PPM1A: variants seen among roughly 807,000 people sequenced by gnomAD.
PPM1A encodes the protein protein phosphatase 1A.
In PPM1A, 7 loss-of-function variants were observed where a neutral mutation model predicts 35.0. The observed-to-expected ratio is 0.20, with a 90% CI of 0.11 to 0.38. PPM1A has a LOEUF of 0.38. Among genes scored for constraint, PPM1A ranks in the 10% least tolerant of loss-of-function variants. The pLI is 1.00. For synonymous variants in PPM1A, 153 were observed against 167.3 expected (o/e 0.91, Z 0.66); for missense variants, 239 against 467.8 (o/e 0.51, Z 4.51).
intron 4 of PPM1A, among the ~76,000 whole-genome samples, 155 bp downstream of exon 4, chr14:60,290,069 A>G (rs577015089): frequency 2.9e-4 from 44 of 152,268 alleles, no homozygotes; most frequent in Non-Finnish European, 3.7e-4. Context: ...TAGAATATCT[A>G]GAGTTTGTTT....
chr14:60,290,579 T>G (rs967555040), intron 4 of PPM1A, among the ~76,000 whole-genome samples: 2 of 152,180 alleles, frequency 1.3e-5, no homozygotes, highest in African/African-American at 2.4e-5. Flanking sequence ...AACATAAAAC[T>G]TGCAAATACC....
chr14:60,268,690 A>T (rs1232568122), intron 1 of PPM1A, among the ~76,000 whole-genome samples: 1 of 151,296 alleles, frequency 6.6e-6, no homozygotes, highest in Non-Finnish European at 1.5e-5. Context: ...TTTTCAACAC[A>T]CTATTGCTGG....
In PPM1A at chr14:60,296,064, T is replaced by A. The variant is rs1888043411; in HGVS notation, c.*3582T>A. 6.6e-6 allele frequency: 1 copy of A among 151,694 alleles called. No individual in the cohort carries two copies. The highest frequency in any genetic ancestry group is 2.4e-5 in the African/African-American group (1 of 41,406). 9.4% of individuals were successfully genotyped at this position (151,694 alleles called of 1,614,324 possible). ...ATAGGTAGTAGATTTCTGAAAATTA[T>A]CCAGCCATGGAAATGTAGGTGGGGT... On this transcript the variant is annotated 3_prime_UTR_variant, in exon 6 of 6. Coordinates refer to ENST00000395076, the MANE Select transcript of PPM1A (RefSeq NM_021003.5). The surrounding 1 kb of genome is among the most constrained non-coding windows in gnomAD (Gnocchi z 4.4).
Position 60,295,474 on chromosome 14 carries a change from AC to A in PPM1A, c.*2993del, listed in dbSNP as rs1887988250. The stretch of plus-strand genomic sequence containing the variant: ...CTGCTCTAGCCACTTAATTTTTTAT[AC>A]TAATCTCAACATTAAGAAATTTGGA... On this transcript the variant is annotated 3_prime_UTR_variant, in exon 6 of 6. Coordinates refer to ENST00000395076, the MANE Select transcript of PPM1A (RefSeq NM_021003.5). 6.6e-6 allele frequency: 1 copy of A among 151,772 alleles called. No homozygotes were observed. Among genetic ancestry groups the A allele is most frequent in the African/African-American group, 2.4e-5 (1 of 41,402 alleles). 9.4% of individuals were successfully genotyped at this position (151,772 alleles called of 1,614,324 possible). A position where few individuals can be genotyped will look rare whatever the true frequency, so the allele number is the denominator to read the frequency against.
Position 60,289,243 on chromosome 14 carries a change from A to C in PPM1A, c.953-563A>C, listed in dbSNP as rs1887363401. On this transcript the variant is annotated intron_variant, in intron 3 of 5. Coordinates refer to ENST00000395076, the MANE Select transcript of PPM1A (RefSeq NM_021003.5). This position sits in a 1 kb window ranked among gnomAD's most constrained non-coding sequence, Gnocchi z 4.1. ...ATTGTTTAAAGGTACTTTAGAGAAGAATTAAACTGAGACAGTGATGTTCAA... is the reference window on the plus strand; with the variant it reads ...ATTGTTTAAAGGTACTTTAGAGAAGCATTAAACTGAGACAGTGATGTTCAA... Among the ~76,000 whole-genome samples the C allele has an allele frequency of 6.6e-6, 1 of 152,126 alleles. No individual in the cohort carries two copies.
intron 4 of PPM1A, among the ~76,000 whole-genome samples, chr14:60,291,052 G>C (rs1033030700): frequency 6.6e-6 from 1 of 152,070 alleles, no homozygotes; most frequent in Non-Finnish European, 1.5e-5. Context: ...GCTTATGTTA[G>C]TATTATATCT....
intron 1 of PPM1A, among the ~76,000 whole-genome samples, chr14:60,270,491 A>G (rs1248439792): frequency 6.6e-6 from 1 of 152,042 alleles, no homozygotes. Context: ...AAAGGGTGGC[A>G]GTTTTCTCTG....
rs1373394557 is a variant in PPM1A, at chr14:60,293,738, TC to T, written c.*1258del. The T allele has an allele frequency of 2.0e-5, 3 of 151,764 alleles. No homozygotes were observed. The highest frequency in any genetic ancestry group is 1.3e-4 in the Admixed American group (2 of 15,194). 9.4% of individuals were successfully genotyped at this position (151,764 alleles called of 1,614,324 possible). On this transcript the variant is annotated 3_prime_UTR_variant, in exon 6 of 6. Coordinates refer to ENST00000395076, the MANE Select transcript of PPM1A (RefSeq NM_021003.5). This position sits in a 1 kb window ranked among gnomAD's most constrained non-coding sequence, Gnocchi z 4.0. ...TTTTAATTGGCCCATGTCTTTAGAA[TC>T]CAAGTGGTTAAGATGTATTTGTGAT...
At chr14:60,278,339 CT>C (rs36059694) in intron 1 of PPM1A, among the ~76,000 whole-genome samples, 19,919 of 138,876 alleles carry the variant, frequency 0.14, 2,927 homozygotes, top group African/African-American at 0.39. Context: ...CTCCCAGTTT[CT>C]TTTTTTTTTT....
chr14:60,254,657 G>T (rs1265769083), intron 1 of PPM1A, among the ~76,000 whole-genome samples: 3 of 152,258 alleles, frequency 2.0e-5, no homozygotes, highest in Admixed American at 6.5e-5. Flanking sequence ...CTGAAAAATT[G>T]TCTTGGAATA....
At chr14:60,256,020 A>T (rs1343040254) in intron 1 of PPM1A, among the ~76,000 whole-genome samples, 11 of 152,250 alleles carry the variant, frequency 7.2e-5, no homozygotes, top group Admixed American at 5.2e-4. Context: ...CTATCAGCTG[A>T]TTTAATTTGA....
chr14:60,260,662 T>C (rs1346511036), intron 1 of PPM1A, among the ~76,000 whole-genome samples: 1 of 152,124 alleles, frequency 6.6e-6, no homozygotes, highest in Non-Finnish European at 1.5e-5. Context: ...AAAGATACCC[T>C]GTACTCATTA....
chr14:60,279,486 T>G (rs1208784903), intron 1 of PPM1A, among the ~76,000 whole-genome samples: 2 of 152,188 alleles, frequency 1.3e-5, no homozygotes, highest in African/African-American at 4.8e-5. Flanking sequence ...CCATACTGAT[T>G]AAACTGATTT....
At chr14:60,275,275 C>T (rs971123851) in intron 1 of PPM1A, among the ~76,000 whole-genome samples, 15 of 151,642 alleles carry the variant, frequency 9.9e-5, no homozygotes, top group African/African-American at 3.6e-4. Context: ...CAGGATAGCA[C>T]ATGTAGGAGA....
chr14:60,260,916 G>T (rs1462644764), intron 1 of PPM1A, among the ~76,000 whole-genome samples: 1 of 152,142 alleles, frequency 6.6e-6, no homozygotes, highest in Non-Finnish European at 1.5e-5. Flanking sequence ...TTGAGAGACT[G>T]CATCCCAATT....
chr14:60,254,338 G>A (rs1882790385), intron 1 of PPM1A, among the ~76,000 whole-genome samples: 1 of 152,202 alleles, frequency 6.6e-6, no homozygotes, highest in African/African-American at 2.4e-5. Flanking sequence ...CTGGCAAGAT[G>A]TCAAGGGTTT....
Position 60,269,978 on chromosome 14 carries a change from CTTTAG to C in PPM1A, c.-20-12701_-20-12697del, listed in dbSNP as rs562173433. Among the ~76,000 whole-genome samples, 13 of 152,296 alleles carry C rather than the reference CTTTAG, an allele frequency of 8.5e-5. No individual in the cohort carries two copies. In the South Asian group the frequency reaches 2.7e-3, roughly 32 times the overall value. ...ACGCCATTCAATCACCAAGTTCAGT[CTTTAG>C]TTTATGATTTATTTCTTCTGCCTTT... On this transcript the variant is annotated intron_variant, in intron 1 of 5. Coordinates refer to ENST00000395076, the MANE Select transcript of PPM1A (RefSeq NM_021003.5).
At position 60,297,137 on chromosome 14, in the gene PPM1A, CAG is replaced by C. The variant is rs1888118544; in HGVS notation, c.*4657_*4658del. 1 of 151,718 alleles carries C rather than the reference CAG, an allele frequency of 6.6e-6. No individual in the cohort carries two copies. The highest frequency in any genetic ancestry group is 1.5e-5 in the Non-Finnish European group (1 of 67,826). The allele number at this position is 151,718 out of a possible 1,614,324, so 9.4% of individuals were successfully genotyped here. A position where few individuals can be genotyped will look rare whatever the true frequency, so the allele number is the denominator to read the frequency against. On this transcript the variant is annotated 3_prime_UTR_variant, in exon 6 of 6. Transcript: ENST00000395076. ...CTTGGTGTTTTCTCTTTTTTTCAAA[CAG>C]AAACAGGCCAATTCCATTTTCTTGA... is the stretch of plus-strand genomic sequence containing the variant.
chr14:60,280,332 A>G (rs1202035158), intron 1 of PPM1A, among the ~76,000 whole-genome samples: 1 of 152,182 alleles, frequency 6.6e-6, no homozygotes, highest in African/African-American at 2.4e-5. Context: ...ACAGGAACAG[A>G]TGGAGAAAGA....
Sources: gnomAD v4.1 joint callset for allele counts (sites outside exome capture counted in the v4.1 genomes callset) on GRCh38, gnomAD v4.1.1 for gene constraint, Gnocchi (gnomAD v3.1) non-coding constraint, MANE v1.5 for transcripts, NCBI Gene and HGNC (gene_info 2026-07-23, HGNC 2026-07-21) for gene names.